MAST2: variants seen among roughly 807,000 people sequenced by gnomAD.
The protein encoded by MAST2 is microtubule associated serine/threonine kinase 2, also known as microtubule-associated serine/threonine-protein kinase 2.
MAST2 carries 70 observed loss-of-function variants against 147.4 expected under a neutral mutation model. That is an observed-to-expected ratio of 0.47 (90% CI 0.39 to 0.58). The LOEUF is 0.58. MAST2 is among the 20% of genes least tolerant of loss of function. The probability of loss-of-function intolerance (pLI) is 0.00; values close to 1 mark genes in which losing one functional copy is unlikely to be tolerated. For missense variants in MAST2, 2,080 were observed against 2,302.3 expected, an observed-to-expected ratio of 0.90 and a Z score of 1.98; for synonymous variants, 869 against 896.8, an observed-to-expected ratio of 0.97 and a Z score of 0.55.
rs532641031 is a variant in MAST2, at chr1:45,928,063, A to T, written c.501-31323A>T. Among the ~76,000 whole-genome samples the T allele has an allele frequency of 3.9e-5, 6 of 152,292 alleles. No homozygotes were observed. In the East Asian group the frequency reaches 7.7e-4, roughly 20 times the overall value. On this transcript the variant is annotated intron_variant, in intron 4 of 28. Transcript: ENST00000361297. ...GAACTAGGAAAATTTTATTTACTAA[A>T]TTTTACATTGTGTTATGGAAAAATC...
intron 4 of MAST2, among the ~76,000 whole-genome samples, chr1:45,916,618 T>C (rs1213411680): frequency 6.6e-6 from 1 of 152,244 alleles, no homozygotes; most frequent in Non-Finnish European, 1.5e-5. Context: ...AACAAATTGG[T>C]ATTATTGTTG....
At chr1:45,946,552 C>A (rs989803160) in intron 4 of MAST2, among the ~76,000 whole-genome samples, 10 of 152,102 alleles carry the variant, frequency 6.6e-5, no homozygotes, top group African/African-American at 2.4e-4. Context: ...GTATTTGTTT[C>A]TTTTCCCTGT....
Position 45,882,429 on chromosome 1 carries a change from T to G in MAST2, c.500+34T>G, listed in dbSNP as rs773140521. On this transcript the variant is annotated intron_variant, in intron 4 of 28. Transcript: ENST00000361297. ...ATGATTATTACCATTATGATTATGA[T>G]CTCCTACTTAGGAACCCCTCTTGGG... 5.1e-6 allele frequency: 8 copies of G among 1,553,744 alleles called. No homozygotes were observed. The South Asian group carries it at 8.9e-5, about 17-fold the overall frequency.
chr1:45,911,127 G>A (rs777702760), intron 4 of MAST2, among the ~76,000 whole-genome samples: 4 of 152,170 alleles, frequency 2.6e-5, no homozygotes, highest in Non-Finnish European at 5.9e-5. Flanking sequence ...AGAGAAGGCA[G>A]GTGTTTCTTT....
chr1:45,927,171 G>A (rs1004213482), intron 4 of MAST2, among the ~76,000 whole-genome samples: 16 of 152,122 alleles, frequency 1.1e-4, no homozygotes, highest in African/African-American at 3.9e-4. Context: ...ACTTAACAGG[G>A]TAATAGAATA....
At chr1:45,853,543 A>G (rs754013160) in intron 3 of MAST2, among the ~76,000 whole-genome samples, 1 of 151,856 alleles carries the variant, frequency 6.6e-6, no homozygotes, top group African/African-American at 2.4e-5. Context: ...TAGTAGAGAC[A>G]GGTTTTTACC....
At chr1:45,953,767 G>A (rs1659269526) in intron 4 of MAST2, among the ~76,000 whole-genome samples, 2 of 152,216 alleles carry the variant, frequency 1.3e-5, no homozygotes, top group Non-Finnish European at 2.9e-5. Context: ...AAGAATCACT[G>A]TGGCTTGCTC....
At chr1:45,956,379 G>A (rs1659664701) in intron 4 of MAST2, among the ~76,000 whole-genome samples, 1 of 152,134 alleles carries the variant, frequency 6.6e-6, no homozygotes, top group African/African-American at 2.4e-5. Flanking sequence ...GTGGTACAAT[G>A]CCAGTATAAT....
Position 45,900,906 on chromosome 1 carries a change from T to C in MAST2, c.500+18511T>C, listed in dbSNP as rs186832831. Among the ~76,000 whole-genome samples, 116 of 152,340 alleles carry C rather than the reference T, an allele frequency of 7.6e-4. 1 individual carries two copies. Among genetic ancestry groups the C allele is most frequent in the East Asian group, 2.7e-3 (14 of 5,194 alleles). ...TTATAGATTCTGGATATTAGTCCTT[T>C]GTTGGATGCGTAGTTGGCAGATATT... On this transcript the variant is annotated intron_variant, in intron 4 of 28. Coordinates refer to ENST00000361297, the MANE Select transcript of MAST2 (RefSeq NM_015112.3).
intron 5 of MAST2, among the ~76,000 whole-genome samples, chr1:45,972,508 G>C (rs1268151600): frequency 6.6e-6 from 1 of 152,168 alleles, no homozygotes; most frequent in Non-Finnish European, 1.5e-5. Context: ...CTTGGAGAGG[G>C]GTGGCAGGTC....
Position 45,939,725 on chromosome 1 carries a change from A to G in MAST2, c.501-19661A>G, listed in dbSNP as rs1167961571. On this transcript the variant is annotated intron_variant, in intron 4 of 28. Transcript: ENST00000361297. ...TGGCTAATTTTTTTGTATTTTTCCT[A>G]GAAACGGAGTTTCACCATGTTGGCC... Among the ~76,000 whole-genome samples the G allele has an allele frequency of 2.6e-5, 4 of 152,220 alleles. No homozygotes were observed. In the East Asian group the frequency reaches 7.7e-4, roughly 29 times the overall value.
intron 3 of MAST2, among the ~76,000 whole-genome samples, chr1:45,869,221 G>A (rs1437976716): frequency 2.0e-5 from 3 of 151,996 alleles, no homozygotes; most frequent in Admixed American, 2.0e-4. Flanking sequence ...AAATATTATA[G>A]TCATTATGGG....
chr1:45,978,423 A>G (rs1644263220), intron 5 of MAST2, among the ~76,000 whole-genome samples: 1 of 152,090 alleles, frequency 6.6e-6, no homozygotes, highest in African/African-American at 2.4e-5. Flanking sequence ...GGCCGAGGCA[A>G]AAGAATTACT....
In MAST2 at chr1:46,011,672, C is replaced by G. The variant is rs748745812; in HGVS notation, c.1188+733C>G. Among the ~76,000 whole-genome samples, 19 of 152,218 alleles carry G rather than the reference C, an allele frequency of 1.2e-4. 1 individual carries two copies. Among genetic ancestry groups the G allele is most frequent in the Non-Finnish European group, 1.2e-4 (8 of 68,050 alleles). ...TGTCCCCGCAGAGCTCATCACATCA[C>G]TAGAGAATTTCCCAGTCCAGAACCC... On this transcript the variant is annotated intron_variant, in intron 10 of 28. Coordinates refer to ENST00000361297, the MANE Select transcript of MAST2 (RefSeq NM_015112.3).
intron 4 of MAST2, among the ~76,000 whole-genome samples, chr1:45,940,290 G>T (rs1315201339): frequency 4.6e-5 from 7 of 152,024 alleles, no homozygotes; most frequent in African/African-American, 1.4e-4. Context: ...ACCATGCCCG[G>T]CCTATTTAGC....
intron 3 of MAST2, among the ~76,000 whole-genome samples, chr1:45,831,451 C>T (rs1043716008): frequency 6.6e-6 from 1 of 151,878 alleles, no homozygotes; most frequent in Non-Finnish European, 1.5e-5. Context: ...CTGATAATAC[C>T]GAAGTTTGTG....
At chr1:45,969,119 A>G (rs566956978) in intron 5 of MAST2, among the ~76,000 whole-genome samples, 22 of 152,212 alleles carry the variant, frequency 1.4e-4, no homozygotes, top group Admixed American at 2.6e-4. Context: ...AGTGCTTAGC[A>G]TAATTAATCA....
intron 4 of MAST2, 120 bp downstream of exon 4, chr1:45,882,515 C>A: frequency 1.4e-6 from 1 of 729,426 alleles, no homozygotes; most frequent in South Asian, 1.9e-5. Context: ...TCTGTGTACT[C>A]CTATCTGAGC....
chr1:45,829,340 C>A, intron 2 of MAST2, 99 bp from the exon 3 acceptor site: 1 of 995,742 alleles, frequency 1.0e-6, no homozygotes, highest in Non-Finnish European at 1.4e-6. Context: ...TACTTTGTAT[C>A]AGTATGGTTT....
Sources: allele counts gnomAD v4.1 joint callset (sites outside exome capture counted in the v4.1 genomes callset), GRCh38; gene constraint gnomAD v4.1.1; transcripts MANE v1.5; gene names NCBI Gene and HGNC (gene_info 2026-07-23, HGNC 2026-07-21).